Variants in NOS1 observed in about 807,000 individuals in gnomAD.
The protein encoded by NOS1 is NOS type I.
In NOS1, 51 loss-of-function variants were observed where a neutral mutation model predicts 164.5. The observed-to-expected ratio is 0.31, with a 90% CI of 0.25 to 0.39. The LOEUF is 0.39. NOS1 is among the 10% of genes least tolerant of loss of function. NOS1 has a pLI of 1.00. For missense variants in NOS1, 1,362 were observed against 1,885.6 expected (o/e 0.72, Z 5.14); for synonymous variants, 719 against 745.8 (o/e 0.96, Z 0.59).
Position 117,211,965 on chromosome 12 carries a change from C to G in NOS1, c.*3344G>C, listed in dbSNP as rs1027431500. ...CTGTAGTCCCAGTTACTCAGGAGGC[C>G]GAGGCAGAAGAATCACTTGAACTGG... On this transcript the variant is annotated 3_prime_UTR_variant, in exon 29 of 29. Coordinates refer to ENST00000317775, the MANE Select transcript of NOS1 (RefSeq NM_000620.5). 1.5e-6 allele frequency: 1 copy of G among 653,622 alleles called. No individual in the cohort carries two copies. Among genetic ancestry groups the G allele is most frequent in the Non-Finnish European group, 1.9e-6 (1 of 527,342 alleles). 40.5% of individuals were successfully genotyped at this position (653,622 alleles called of 1,614,324 possible). A position where few individuals can be genotyped will look rare whatever the true frequency, so the allele number is the denominator to read the frequency against.
intron 1 of NOS1, among the ~76,000 whole-genome samples, chr12:117,353,217 C>A (rs899509808): frequency 1.3e-5 from 2 of 152,088 alleles, no homozygotes; most frequent in African/African-American, 4.8e-5. Context: ...TGTTATCTAT[C>A]TATTCATCTA....
chr12:117,304,186 A>G (rs564887530), intron 3 of NOS1, among the ~76,000 whole-genome samples: 1 of 152,198 alleles, frequency 6.6e-6, no homozygotes, highest in Non-Finnish European at 1.5e-5. Flanking sequence ...AAAAAACCAC[A>G]AAAACACAAC....
chr12:117,266,575 T>C (rs546102797), intron 11 of NOS1, among the ~76,000 whole-genome samples: 1 of 151,838 alleles, frequency 6.6e-6, no homozygotes, highest in Admixed American at 6.6e-5. Flanking sequence ...TCTCACTCTG[T>C]CGCCCAGACT....
chr12:117,215,420 C>G, intron 28 of NOS1, 96 bp from the exon 29 acceptor site: 1 of 1,328,012 alleles, frequency 7.5e-7, no homozygotes, highest in Non-Finnish European at 9.8e-7. Context: ...GCTCTGGGCT[C>G]AGGGGCTTTG....
Position 117,310,256 on chromosome 12 carries a change from TG to T in NOS1, c.852+1209del, listed in dbSNP as rs371303304. Among the ~76,000 whole-genome samples, 364 of 152,282 alleles carry T rather than the reference TG, an allele frequency of 2.4e-3. 1 individual carries two copies. Among genetic ancestry groups the T allele is most frequent in the African/African-American group, 8.5e-3 (353 of 41,556 alleles). ...GCCTGCCCATGTGCCAAATAAGGTATGGGCACAAGGTCACTCATTACGGCAC... is the reference window on the plus strand; with the variant it reads ...GCCTGCCCATGTGCCAAATAAGGTATGGCACAAGGTCACTCATTACGGCAC... On this transcript the variant is annotated intron_variant, in intron 3 of 28. Transcript: ENST00000317775.
rs947402117 is a variant in NOS1, at chr12:117,338,796, A to G, written c.-420-7307T>C. ...GGAGGAAACGGATATCAATGGTTTT[A>G]CATGAATAATATCAAAGAAAACAAA... is the stretch of plus-strand genomic sequence containing the variant. On this transcript the variant is annotated intron_variant, in intron 1 of 28. Transcript: ENST00000317775. Among the ~76,000 whole-genome samples the G allele has an allele frequency of 1.1e-4, 16 of 152,290 alleles. No homozygotes were observed. In the East Asian group the frequency reaches 1.4e-3, roughly 13 times the overall value.
chr12:117,358,506 T>C (rs1269508241), intron 1 of NOS1, among the ~76,000 whole-genome samples: 2 of 152,226 alleles, frequency 1.3e-5, no homozygotes, highest in Non-Finnish European at 2.9e-5. Context: ...CTCTTCCCTC[T>C]GTTTCGGGTT....
chr12:117,295,172 C>T (rs1307948266), intron 3 of NOS1, among the ~76,000 whole-genome samples: 1 of 152,186 alleles, frequency 6.6e-6, no homozygotes. Flanking sequence ...ACTCTCATCC[C>T]ACAACTGGGA....
At chr12:117,224,573 C>T (rs1868481816) in intron 25 of NOS1, among the ~76,000 whole-genome samples, 1 of 152,260 alleles carries the variant, frequency 6.6e-6, no homozygotes, top group Non-Finnish European at 1.5e-5. Flanking sequence ...GCGTGAGCCA[C>T]CGCGCCCGGC....
intron 1 of NOS1, among the ~76,000 whole-genome samples, chr12:117,357,804 T>G (rs1294663623): frequency 1.3e-5 from 2 of 152,204 alleles, no homozygotes; most frequent in African/African-American, 4.8e-5. Context: ...CTGGATTAGA[T>G]GATGTTTAAA....
intron 27 of NOS1, among the ~76,000 whole-genome samples, chr12:117,218,642 A>G (rs531594018): frequency 6.6e-6 from 1 of 151,824 alleles, no homozygotes; most frequent in Non-Finnish European, 1.5e-5. Context: ...CACAGTGGAG[A>G]CTCCGTGGGC....
rs181496068 is a variant in NOS1 at position 117,355,462 on chromosome 12, C to T, written c.-421+6050G>A. ...CGTCCTGGGGTTGTAAACTAAAATG[C>T]CTCGAAGGGCCCGGACAAGCAAATT... is the stretch of plus-strand genomic sequence containing the variant. On this transcript the variant is annotated intron_variant, in intron 1 of 28. Transcript: ENST00000317775. Among the ~76,000 whole-genome samples, 180 of 152,194 alleles carry T rather than the reference C, an allele frequency of 1.2e-3. 1 individual carries two copies. Among genetic ancestry groups the T allele is most frequent in the Admixed American group, 1.8e-3 (27 of 15,286 alleles).
rs1956504141 is a variant in NOS1, at chr12:117,210,113, C to T, written c.*5196G>A. On this transcript the variant is annotated 3_prime_UTR_variant, in exon 29 of 29. Transcript: ENST00000317775. Reference sequence around the variant, plus strand: ...TCAGCCTCCCAAGTAGCTGGGACCACAGGAGCATGCCATCATGCCCAGCTA... The same window carrying T: ...TCAGCCTCCCAAGTAGCTGGGACCATAGGAGCATGCCATCATGCCCAGCTA... The T allele has an allele frequency of 3.6e-6, 2 of 561,064 alleles. No homozygotes were observed. The highest frequency in any genetic ancestry group is 7.7e-5 in the South Asian group (1 of 12,948). The allele number at this position is 561,064 out of a possible 1,614,324, so 34.8% of individuals were successfully genotyped here. A position where few individuals can be genotyped will look rare whatever the true frequency, so the allele number is the denominator to read the frequency against.
chr12:117,251,434 A>C (rs1871092729), intron 17 of NOS1, among the ~76,000 whole-genome samples: 2 of 151,918 alleles, frequency 1.3e-5, no homozygotes, highest in Non-Finnish European at 2.9e-5. Flanking sequence ...CATTTCCATC[A>C]CAATCTTCAG....
intron 22 of NOS1, among the ~76,000 whole-genome samples, chr12:117,228,542 G>A (rs1035495408): frequency 6.6e-6 from 1 of 152,164 alleles, no homozygotes; most frequent in Non-Finnish European, 1.5e-5. Flanking sequence ...GGTGTGTGGA[G>A]GACCATGTTT....
At chr12:117,290,539 C>A in intron 3 of NOS1, 113 bp from the exon 4 acceptor site, 1 of 1,255,814 alleles carries the variant, frequency 8.0e-7, no homozygotes, top group Non-Finnish European at 1.1e-6. Flanking sequence ...CTTGAGTGAC[C>A]AACTGTCTAC....
chr12:117,265,540 A>G (rs769228978), intron 11 of NOS1, 30 bp from the exon 12 acceptor site: 1 of 1,429,486 alleles, frequency 7.0e-7, no homozygotes, highest in South Asian at 1.6e-5. Context: ...AGGGGTCAGG[A>G]GGTATGAGAA....
At chr12:117,245,678 G>C (rs571029002) in intron 18 of NOS1, 1 of 152,404 alleles carries the variant, frequency 6.6e-6, no homozygotes, top group Non-Finnish European at 1.5e-5. Context: ...AGCACTTTGG[G>C]AGGCCCCGGG....
At chr12:117,255,081 AC>A (rs1466187568) in intron 16 of NOS1, among the ~76,000 whole-genome samples, 2 of 152,200 alleles carry the variant, frequency 1.3e-5, no homozygotes, top group African/African-American at 4.8e-5. Flanking sequence ...GTGCACATGT[AC>A]CCTAAAACTT....
Sources: gnomAD v4.1 joint callset for allele counts (sites outside exome capture counted in the v4.1 genomes callset) on GRCh38, gnomAD v4.1.1 for gene constraint, MANE v1.5 for transcripts, NCBI Gene and HGNC (gene_info 2026-07-23, HGNC 2026-07-21) for gene names.